Variants in UGT1A9 observed in about 807,000 individuals in gnomAD.
UGT1A9 encodes UDP glucuronosyltransferase family 1 member A9.
Under a neutral mutation model 45.0 loss-of-function variants are expected in UGT1A9, and 35 were observed. The ratio of observed to expected loss-of-function variants is 0.78; its 90% confidence interval spans 0.59 to 1.03. The LOEUF (loss-of-function observed/expected upper bound fraction) is 1.03. Ranked by LOEUF, UGT1A9 falls within the 50% of genes least tolerant of loss-of-function variation. The pLI is 0.00. For missense variants in UGT1A9, 687 were observed against 666.6 expected (o/e 1.03, Z -0.34); for synonymous variants, 278 against 250.6 (o/e 1.11, Z -1.03).
chr2:233,735,651 G>A (rs1291646517), intron 1 of UGT1A9, among the ~76,000 whole-genome samples: 3 of 152,276 alleles, frequency 2.0e-5, no homozygotes, highest in Admixed American at 6.5e-5. Context: ...GCTGGTACTG[G>A]TGTTTCTTTC....
intron 1 of UGT1A9, chr2:233,755,251 C>A (rs1287732511): frequency 2.4e-6 from 2 of 830,672 alleles, no homozygotes; most frequent in Non-Finnish European, 3.6e-6. Context: ...ACTCCCAGCA[C>A]CTCGTAGTAG....
intron 1 of UGT1A9, chr2:233,743,656 G>T (rs528527073): frequency 7.3e-7 from 1 of 1,367,266 alleles, no homozygotes; most frequent in Admixed American, 1.9e-5. Flanking sequence ...AGACGTACTC[G>T]AAGGGGTCCT....
At chr2:233,735,563 C>T (rs530958068) in intron 1 of UGT1A9, among the ~76,000 whole-genome samples, 4 of 152,230 alleles carry the variant, frequency 2.6e-5, no homozygotes, top group East Asian at 1.9e-4. Flanking sequence ...ATGGTGTTAT[C>T]GGGTTATTTT....
chr2:233,760,568 G>A (rs1252353903), intron 1 of UGT1A9: 1 of 1,614,246 alleles, frequency 6.2e-7, no homozygotes, highest in Non-Finnish European at 8.5e-7. Context: ...TCTTTTGTTA[G>A]TCTCGGGCAT....
chr2:233,712,855 A>T lies in UGT1A9; in HGVS notation c.855+40066A>T. ...ATTATAGATTAACGGGTAATAAGTAACTGGAGGAGGGCACTCTGTCTTCAA... is the reference window on the plus strand; with the variant it reads ...ATTATAGATTAACGGGTAATAAGTATCTGGAGGAGGGCACTCTGTCTTCAA... On this transcript the variant is annotated intron_variant, in intron 1 of 4. Coordinates refer to ENST00000354728, the MANE Select transcript of UGT1A9 (RefSeq NM_021027.3). The T allele has an allele frequency of 4.5e-6, 7 of 1,553,020 alleles. No individual in the cohort carries two copies. In the South Asian group the frequency reaches 8.4e-5, roughly 19 times the overall value.
At chr2:233,675,482 C>G (rs1406805769) in intron 1 of UGT1A9, among the ~76,000 whole-genome samples, 1 of 152,114 alleles carries the variant, frequency 6.6e-6, no homozygotes, top group Non-Finnish European at 1.5e-5. Context: ...AGGTGCGGCT[C>G]TGGGGGTGGG....
chr2:233,728,331 C>T (rs1305680742), intron 1 of UGT1A9, among the ~76,000 whole-genome samples: 2 of 152,328 alleles, frequency 1.3e-5, no homozygotes, highest in South Asian at 2.1e-4. Flanking sequence ...CTCCAGCTCC[C>T]CCAGTCCCTT....
intron 1 of UGT1A9, among the ~76,000 whole-genome samples, chr2:233,739,589 C>T (rs894733553): frequency 6.6e-6 from 1 of 152,224 alleles, no homozygotes; most frequent in African/African-American, 2.4e-5. Flanking sequence ...TGCATGGGGC[C>T]TATAGCCCCT....
chr2:233,739,606 T>C (rs1247798454), intron 1 of UGT1A9, among the ~76,000 whole-genome samples: 1 of 152,250 alleles, frequency 6.6e-6, no homozygotes, highest in African/African-American at 2.4e-5. Flanking sequence ...CCCTTTGTTT[T>C]GGCCAGTTTC....
intron 1 of UGT1A9, chr2:233,755,543 A>C (rs1450453289): frequency 6.3e-6 from 1 of 158,400 alleles, no homozygotes; most frequent in African/African-American, 2.4e-5. Flanking sequence ...CATGGTCTCC[A>C]AAAAGGATGG....
At chr2:233,697,618 G>T (rs1039414753) in intron 1 of UGT1A9, among the ~76,000 whole-genome samples, 1 of 150,320 alleles carries the variant, frequency 6.7e-6, no homozygotes, top group Admixed American at 6.6e-5. Context: ...CAAAGTTTGA[G>T]TTTGGTTTAC....
chr2:233,764,221 A>G (rs1437910759), intron 1 of UGT1A9, among the ~76,000 whole-genome samples: 2 of 152,128 alleles, frequency 1.3e-5, no homozygotes, highest in African/African-American at 2.4e-5. Context: ...AAGGGAATCA[A>G]TGGTGGGGGA....
In UGT1A9 at chr2:233,772,898, G is replaced by C. The variant is rs1042640; in HGVS notation, c.*339G>C. 367,954 of 456,154 alleles carry C rather than the reference G, an allele frequency of 0.81. 148,868 individuals are homozygous for C. Among genetic ancestry groups the C allele is most frequent in the East Asian group, 0.89 (15,034 of 16,914 alleles). The allele number at this position is 456,154 out of a possible 1,614,324, so 28.3% of individuals were successfully genotyped here. On this transcript the variant is annotated 3_prime_UTR_variant, in exon 5 of 5. Coordinates refer to ENST00000354728, the MANE Select transcript of UGT1A9 (RefSeq NM_021027.3). ...GTGCGGGATTCAAAGGTGGTCCCACGGCTGCCCCTACTGCAAATGGCAGTT... is the reference window on the plus strand; with the variant it reads ...GTGCGGGATTCAAAGGTGGTCCCACCGCTGCCCCTACTGCAAATGGCAGTT...
intron 1 of UGT1A9, chr2:233,718,866 C>A: frequency 4.3e-6 from 7 of 1,613,892 alleles, no homozygotes; most frequent in Non-Finnish European, 5.9e-6. Context: ...GGCCACAGGA[C>A]TGCTGCTCCT....
At chr2:233,747,891 C>G (rs562741642) in intron 1 of UGT1A9, 201 of 1,612,980 alleles carry the variant, frequency 1.2e-4, no homozygotes, top group East Asian at 4.9e-4. Context: ...TTGCCATGCT[C>G]TTTCTGCTCC....
At chr2:233,675,542 A>G (rs1416718501) in intron 1 of UGT1A9, among the ~76,000 whole-genome samples, 1 of 152,114 alleles carries the variant, frequency 6.6e-6, no homozygotes, top group Non-Finnish European at 1.5e-5. Flanking sequence ...TTGCTGTAAG[A>G]TTCTGGCTAT....
intron 1 of UGT1A9, among the ~76,000 whole-genome samples, chr2:233,678,833 C>T (rs1451854095): frequency 6.6e-6 from 1 of 152,114 alleles, no homozygotes; most frequent in Non-Finnish European, 1.5e-5. Context: ...TTTGAAATAC[C>T]TTATCCCCAA....
At chr2:233,718,927 C>A in intron 1 of UGT1A9, 2 of 1,614,128 alleles carry the variant, frequency 1.2e-6, no homozygotes, top group Non-Finnish European at 8.5e-7. Flanking sequence ...GTGGTGCCCA[C>A]TGATGGCAGC....
intron 1 of UGT1A9, among the ~76,000 whole-genome samples, chr2:233,702,779 G>A (rs558414235): frequency 6.6e-6 from 1 of 152,162 alleles, no homozygotes; most frequent in African/African-American, 2.4e-5. Context: ...ATTTGCAGGT[G>A]TAAACGAACC....
Sources: allele counts gnomAD v4.1 joint callset (sites outside exome capture counted in the v4.1 genomes callset), GRCh38; gene constraint gnomAD v4.1.1; transcripts MANE v1.5; gene names NCBI Gene and HGNC (gene_info 2026-07-23, HGNC 2026-07-21).